Variants in SPON1 observed in about 807,000 individuals in gnomAD.
The protein encoded by SPON1 is spondin-1.
Under a neutral mutation model 111.7 loss-of-function variants are expected in SPON1, and 52 were observed. That is an observed-to-expected ratio of 0.47 (90% CI 0.37 to 0.59). The LOEUF (loss-of-function observed/expected upper bound fraction) is 0.59. SPON1 is among the 20% of genes least tolerant of loss of function. SPON1 has a pLI of 0.00. For synonymous variants in SPON1, 410 were observed against 395.8 expected, an observed-to-expected ratio of 1.04 and a Z score of -0.43; for missense variants, 957 against 1,068.5, an observed-to-expected ratio of 0.90 and a Z score of 1.46.
intron 6 of SPON1, among the ~76,000 whole-genome samples, chr11:14,210,263 T>C (rs1356884152): frequency 1.3e-5 from 2 of 152,196 alleles, no homozygotes; most frequent in African/African-American, 2.4e-5. Flanking sequence ...CTCTTTAGTT[T>C]AATTAGATCT....
intron 6 of SPON1, among the ~76,000 whole-genome samples, chr11:14,219,318 T>C (rs1464077645): frequency 6.6e-6 from 1 of 152,224 alleles, no homozygotes; most frequent in Non-Finnish European, 1.5e-5. Context: ...GACAATTAAA[T>C]TCAAACTATA....
At chr11:14,187,030 C>T (rs553426169) in intron 6 of SPON1, among the ~76,000 whole-genome samples, 20 of 152,280 alleles carry the variant, frequency 1.3e-4, no homozygotes, top group East Asian at 9.7e-4. Flanking sequence ...GCAGGCCATA[C>T]GAGCACAGCA....
At chr11:14,015,067 A>G (rs1376299992) in intron 2 of SPON1, among the ~76,000 whole-genome samples, 1 of 152,328 alleles carries the variant, frequency 6.6e-6, no homozygotes, top group Non-Finnish European at 1.5e-5. Flanking sequence ...AACATAGTCT[A>G]CTTAACCTCT....
At chr11:14,107,201 T>A (rs1428028593) in intron 5 of SPON1, among the ~76,000 whole-genome samples, 1 of 152,138 alleles carries the variant, frequency 6.6e-6, no homozygotes, top group Non-Finnish European at 1.5e-5. Flanking sequence ...GCTGGGACAG[T>A]TAGTGTTTAC....
At chr11:14,251,175 T>C (rs1341236208) in intron 7 of SPON1, among the ~76,000 whole-genome samples, 1 of 152,162 alleles carries the variant, frequency 6.6e-6, no homozygotes, top group Non-Finnish European at 1.5e-5. Context: ...CAAGGAGGGA[T>C]TCTCCAGTCA....
chr11:14,161,549 C>T (rs1247026307), intron 6 of SPON1, among the ~76,000 whole-genome samples: 5 of 151,406 alleles, frequency 3.3e-5, no homozygotes, highest in African/African-American at 1.2e-4. Context: ...AAACTCCTGA[C>T]CTCAGGTGAT....
chr11:14,106,816 G>A (rs1252246778), intron 5 of SPON1, among the ~76,000 whole-genome samples: 1 of 152,128 alleles, frequency 6.6e-6, no homozygotes, highest in East Asian at 1.9e-4. Flanking sequence ...CCACTGAGTT[G>A]ATTGATTAAA....
chr11:14,141,326 G>C lies in SPON1; in HGVS notation c.825+5758G>C, dbSNP rs552990304. Among the ~76,000 whole-genome samples, 5 of 152,250 alleles carry C rather than the reference G, an allele frequency of 3.3e-5. No homozygotes were observed. In the East Asian group the frequency reaches 9.6e-4, roughly 29 times the overall value. ...GTCAGTTCAGTTTTCCACATTTTCA[G>C]GTATCCAGCTAATATCTGTAGCACC... On this transcript the variant is annotated intron_variant, in intron 6 of 15. Coordinates refer to ENST00000576479, the MANE Select transcript of SPON1 (RefSeq NM_006108.4).
intron 2 of SPON1, among the ~76,000 whole-genome samples, chr11:13,997,644 G>A (rs563349916): frequency 6.6e-4 from 100 of 152,304 alleles, no homozygotes; most frequent in African/African-American, 1.7e-3. Context: ...CTTGTCAAAG[G>A]TGTAACTACT....
intron 6 of SPON1, among the ~76,000 whole-genome samples, chr11:14,150,503 A>C (rs142827782): frequency 6.6e-6 from 1 of 152,284 alleles, no homozygotes; most frequent in East Asian, 1.9e-4. Flanking sequence ...GGTGATATGC[A>C]TGCAAATTAC....
At chr11:14,055,421 G>C (rs1250743533) in intron 3 of SPON1, among the ~76,000 whole-genome samples, 1 of 152,194 alleles carries the variant, frequency 6.6e-6, no homozygotes, top group Non-Finnish European at 1.5e-5. Flanking sequence ...TGTAGACCCT[G>C]AGGGGCAAGT....
chr11:14,005,141 T>A (rs1848349381), intron 2 of SPON1, among the ~76,000 whole-genome samples: 1 of 152,216 alleles, frequency 6.6e-6, no homozygotes, highest in African/African-American at 2.4e-5. Context: ...TCCAAAAAAA[T>A]TATTACAAAG....
chr11:14,077,464 A>T (rs1471693980), intron 4 of SPON1, among the ~76,000 whole-genome samples: 1 of 151,578 alleles, frequency 6.6e-6, no homozygotes, highest in Non-Finnish European at 1.5e-5. Flanking sequence ...ACAGAGTTTC[A>T]CTCTGTCACC....
intron 5 of SPON1, among the ~76,000 whole-genome samples, chr11:14,104,967 T>A (rs1345458436): frequency 6.6e-6 from 1 of 152,158 alleles, no homozygotes; most frequent in Non-Finnish European, 1.5e-5. Flanking sequence ...TATGACTATA[T>A]CTTTTACATG....
chr11:14,127,302 G>GAAAGA (rs1554927097), intron 5 of SPON1, among the ~76,000 whole-genome samples: 5 of 137,072 alleles, frequency 3.6e-5, no homozygotes, highest in Admixed American at 2.2e-4. Context: ...TCTGACCTCC[G>GAAAGA]AAAAAAAAAA....
At chr11:14,005,275 C>T (rs1373580953) in intron 2 of SPON1, among the ~76,000 whole-genome samples, 3 of 152,154 alleles carry the variant, frequency 2.0e-5, no homozygotes, top group Admixed American at 6.5e-5. Context: ...CACCCCTGGC[C>T]CCTGGCCCCA....
At chr11:14,099,795 G>C (rs1225895609) in intron 5 of SPON1, among the ~76,000 whole-genome samples, 1 of 152,166 alleles carries the variant, frequency 6.6e-6, no homozygotes, top group Non-Finnish European at 1.5e-5. Flanking sequence ...TCCAGCATCT[G>C]TTTCTGGTGA....
intron 6 of SPON1, among the ~76,000 whole-genome samples, chr11:14,146,017 T>C (rs1847713325): frequency 6.6e-6 from 1 of 152,308 alleles, no homozygotes; most frequent in African/African-American, 2.4e-5. Flanking sequence ...AGAATATCTC[T>C]ATGAACATAC....
intron 6 of SPON1, among the ~76,000 whole-genome samples, chr11:14,149,881 C>T (rs1166411713): frequency 1.3e-5 from 2 of 151,822 alleles, no homozygotes; most frequent in African/African-American, 4.8e-5. Flanking sequence ...CCTAATGACA[C>T]ATTTCTCAGA....
Sources: allele counts gnomAD v4.1 joint callset (sites outside exome capture counted in the v4.1 genomes callset), GRCh38; gene constraint gnomAD v4.1.1; transcripts MANE v1.5; gene names NCBI Gene and HGNC (gene_info 2026-07-23, HGNC 2026-07-21).